Variants in PINX1 observed in about 807,000 individuals in gnomAD.
PINX1 encodes PIN2/TERF1-interacting telomerase inhibitor 1.
PINX1 carries 34 observed loss-of-function variants against 25.4 expected under a neutral mutation model. The ratio of observed to expected loss-of-function variants is 1.34; its 90% CI spans 1.02 to 1.78. PINX1 has a LOEUF of 1.78. Among genes scored for constraint, PINX1 ranks in the 40% most tolerant of loss-of-function variants. PINX1 has a pLI of 0.00. For missense variants in PINX1, 592 were observed against 404.9 expected (o/e 1.46, Z -3.97); for synonymous variants, 197 against 147.7 (o/e 1.33, Z -2.42).
At position 10,787,209 on chromosome 8, in the gene PINX1, GCACA is replaced by G. The variant is rs575271024; in HGVS notation, c.472-21297_472-21294del. Among the ~76,000 whole-genome samples, 4 of 147,554 alleles carry G rather than the reference GCACA, an allele frequency of 2.7e-5. No individual in the cohort carries two copies. In the East Asian group the frequency reaches 5.8e-4, roughly 21 times the overall value. On this transcript the variant is annotated intron_variant, in intron 6 of 6. Transcript: ENST00000314787. ...ATATACACACATACACATATTTTAT[GCACA>G]CACACACACACGTTTGTTTGTTTTT...
chr8:10,768,893 A>G (rs927345464), intron 6 of PINX1, among the ~76,000 whole-genome samples: 2 of 152,362 alleles, frequency 1.3e-5, no homozygotes, highest in African/African-American at 4.8e-5. Context: ...CTATCAAAGT[A>G]AACAAGTATT....
At position 10,836,241 on chromosome 8, in the gene PINX1, TAAC is replaced by T. The variant is rs540105204; in HGVS notation, c.20-1469_20-1467del. On this transcript the variant is annotated intron_variant, in intron 1 of 6. Transcript: ENST00000314787. ...ATACACAGGCAGAAAAAAAGGCCCT[TAAC>T]AAAGCAAAACAAGTTGGGCTCGAAT... Among the ~76,000 whole-genome samples, 1,315 of 152,202 alleles carry T rather than the reference TAAC, an allele frequency of 8.6e-3. 7 individuals carry two copies. Among genetic ancestry groups the T allele is most frequent in the Non-Finnish European group, 0.015 (990 of 68,010 alleles).
rs369610528 is a variant in PINX1 at position 10,775,149 on chromosome 8, CCTCTT to C, written c.472-9238_472-9234del. Among the ~76,000 whole-genome samples, 143 of 152,278 alleles carry C rather than the reference CCTCTT, an allele frequency of 9.4e-4. 1 individual carries two copies. In the East Asian group the frequency reaches 0.013, roughly 14 times the overall value. Reference sequence around the variant, plus strand: ...TGCTATTAAATATATAATCCTATAACCTCTTCTCTTGTTTTACACAAGCTGTAAGT... The same window carrying C: ...TGCTATTAAATATATAATCCTATAACCTCTTGTTTTACACAAGCTGTAAGT... On this transcript the variant is annotated intron_variant, in intron 6 of 6. Coordinates refer to ENST00000314787, the MANE Select transcript of PINX1 (RefSeq NM_017884.6).
intron 4 of PINX1, among the ~76,000 whole-genome samples, chr8:10,828,955 A>G (rs1716533247): frequency 6.6e-6 from 1 of 152,220 alleles, no homozygotes; most frequent in South Asian, 2.1e-4. Flanking sequence ...GCATTCATTA[A>G]AATGTATAAC....
chr8:10,785,880 T>C (rs1181826693), intron 6 of PINX1, among the ~76,000 whole-genome samples: 4 of 152,222 alleles, frequency 2.6e-5, no homozygotes, highest in Non-Finnish European at 5.9e-5. Flanking sequence ...TCTTTTCTCT[T>C]TAGCTAGACA....
At chr8:10,828,003 G>C (rs890391592) in intron 4 of PINX1, among the ~76,000 whole-genome samples, 1 of 151,810 alleles carries the variant, frequency 6.6e-6, no homozygotes, top group African/African-American at 2.4e-5. Flanking sequence ...TGACAGTGGA[G>C]CGAAACAAGC....
At chr8:10,810,146 A>G (rs1802582403) in intron 6 of PINX1, among the ~76,000 whole-genome samples, 1 of 152,178 alleles carries the variant, frequency 6.6e-6, no homozygotes, top group South Asian at 2.1e-4. Flanking sequence ...CCAACAACAC[A>G]AACACCTCCC....
chr8:10,818,431 G>A (rs1383454366), intron 6 of PINX1, among the ~76,000 whole-genome samples: 1 of 152,166 alleles, frequency 6.6e-6, no homozygotes, highest in Non-Finnish European at 1.5e-5. Context: ...AAATCTGCCA[G>A]AGGATCAGAA....
At chr8:10,767,895 G>C (rs113327517) in intron 6 of PINX1, among the ~76,000 whole-genome samples, 2,755 of 59,922 alleles carry the variant, frequency 0.046, 353 homozygotes, top group African/African-American at 0.13. Flanking sequence ...AGACAGGCTC[G>C]GTGACCAGGC....
At chr8:10,797,298 C>G (rs1208019730) in intron 6 of PINX1, among the ~76,000 whole-genome samples, 1 of 152,168 alleles carries the variant, frequency 6.6e-6, no homozygotes, top group Admixed American at 6.5e-5. Context: ...ACTCTAAAAA[C>G]CAAAAGCTCC....
At chr8:10,783,035 G>A (rs1181526932) in intron 6 of PINX1, among the ~76,000 whole-genome samples, 1 of 152,098 alleles carries the variant, frequency 6.6e-6, no homozygotes, top group African/African-American at 2.4e-5. Flanking sequence ...AAGAGGAACA[G>A]AAAGAAATAT....
At chr8:10,836,733 G>T (rs1268962453) in intron 1 of PINX1, among the ~76,000 whole-genome samples, 1 of 152,096 alleles carries the variant, frequency 6.6e-6, no homozygotes, top group Non-Finnish European at 1.5e-5. Context: ...AGTAACACTG[G>T]GTTAAACTAA....
chr8:10,834,157 G>C (rs141588620), intron 2 of PINX1, among the ~76,000 whole-genome samples: 1 of 152,272 alleles, frequency 6.6e-6, no homozygotes, highest in East Asian at 1.9e-4. Context: ...AGAAAGAAGA[G>C]ACAGCAACAA....
chr8:10,776,205 C>T (rs1374861993), intron 6 of PINX1, among the ~76,000 whole-genome samples: 1 of 152,116 alleles, frequency 6.6e-6, no homozygotes, highest in Non-Finnish European at 1.5e-5. Flanking sequence ...GCAGGTGGAT[C>T]ACCTAAGATC....
chr8:10,810,345 G>C (rs1797457020), intron 6 of PINX1, among the ~76,000 whole-genome samples: 1 of 152,168 alleles, frequency 6.6e-6, no homozygotes, highest in South Asian at 2.1e-4. Context: ...TGGAGGCCGG[G>C]ACAAGTCGTG....
At chr8:10,824,790 T>C (rs186921469) in intron 5 of PINX1, among the ~76,000 whole-genome samples, 1 of 152,326 alleles carries the variant, frequency 6.6e-6, no homozygotes, top group Non-Finnish European at 1.5e-5. Flanking sequence ...CTGAGTTTTA[T>C]TAATTTGCTC....
chr8:10,782,928 A>G (rs571382801), intron 6 of PINX1, among the ~76,000 whole-genome samples: 10 of 152,350 alleles, frequency 6.6e-5, no homozygotes, highest in African/African-American at 2.4e-4. Flanking sequence ...TAAATAAAGG[A>G]TATAAATATT....
At chr8:10,836,688 G>C (rs540835800) in intron 1 of PINX1, among the ~76,000 whole-genome samples, 65 of 152,178 alleles carry the variant, frequency 4.3e-4, no homozygotes, top group Admixed American at 3.3e-3. Context: ...AAGGATGTTG[G>C]GGGGGCGGGG....
chr8:10,819,501 A>T (rs967973807), intron 6 of PINX1, among the ~76,000 whole-genome samples: 4 of 152,380 alleles, frequency 2.6e-5, no homozygotes, highest in Admixed American at 2.0e-4. Context: ...TATCTTTAGA[A>T]ATCCATAATC....
Sources: allele counts gnomAD v4.1 joint callset (sites outside exome capture counted in the v4.1 genomes callset), GRCh38; gene constraint gnomAD v4.1.1; transcripts MANE v1.5; gene names NCBI Gene and HGNC (gene_info 2026-07-23, HGNC 2026-07-21).